MTAP: variants seen among roughly 807,000 people sequenced by gnomAD.
The protein encoded by MTAP is methylthioadenosine phosphorylase.
A neutral mutation model predicts 33.6 loss-of-function variants in MTAP; 33 were observed. The ratio of observed to expected loss-of-function variants is 0.98; its 90% CI spans 0.74 to 1.31. The LOEUF (loss-of-function observed/expected upper bound fraction) is 1.31, where lower values mean the gene tolerates loss of function less well. MTAP is among the 40% of genes most tolerant of loss of function. MTAP has a pLI of 0.00. For missense variants in MTAP, 367 were observed against 360.0 expected (o/e 1.02, Z -0.16); for synonymous variants, 148 against 125.7 (o/e 1.18, Z -1.19).
chr9:21,812,741 T>A (rs1353654764), intron 1 of MTAP, among the ~76,000 whole-genome samples: 1 of 152,228 alleles, frequency 6.6e-6, no homozygotes, highest in Non-Finnish European at 1.5e-5. Context: ...CTGAGCATGT[T>A]GTCTCATAAC....
At chr9:21,838,065 C>T in intron 5 of MTAP, 55 bp downstream of exon 5, 1 of 1,484,184 alleles carries the variant, frequency 6.7e-7, no homozygotes, top group Non-Finnish European at 9.4e-7. Context: ...CTTGGGGTGG[C>T]ATCTGGCATT....
Position 21,863,270 on chromosome 9 carries a change from G to A in MTAP, c.*1256G>A. ...GTAATTTTTGCTTTTTAATAAAGTG[G>A]AAGCTTGCTTTTTTAACTCTTTTTT... On this transcript the variant is annotated 3_prime_UTR_variant, in exon 8 of 8. Coordinates refer to ENST00000644715, the MANE Select transcript of MTAP (RefSeq NM_002451.4). The A allele has an allele frequency of 1.0e-6, 1 of 983,574 alleles. No individual in the cohort carries two copies. The allele number at this position is 983,574 out of a possible 1,614,324, so 60.9% of individuals were successfully genotyped here. A position where few individuals can be genotyped will look rare whatever the true frequency, so the allele number is the denominator to read the frequency against.
chr9:21,888,917 A>G (rs1408607757), intron 1 of MTAP, among the ~76,000 whole-genome samples: 1 of 152,162 alleles, frequency 6.6e-6, no homozygotes. Context: ...TATAAAGGAA[A>G]ACCTATCAGA....
Position 21,862,812 on chromosome 9 carries a change from T to G in MTAP, c.*798T>G, listed in dbSNP as rs996247544. On this transcript the variant is annotated 3_prime_UTR_variant, in exon 8 of 8. Coordinates refer to ENST00000644715, the MANE Select transcript of MTAP (RefSeq NM_002451.4). Reference sequence around the variant, plus strand: ...AAACTAGAAAGAAATATATATAACCTTGTTATTGTATTTGGGGGAGGGATA... The same window carrying G: ...AAACTAGAAAGAAATATATATAACCGTGTTATTGTATTTGGGGGAGGGATA... The G allele has an allele frequency of 1.9e-5, 7 of 375,670 alleles. No homozygotes were observed. Among genetic ancestry groups the G allele is most frequent in the Non-Finnish European group, 2.6e-5 (7 of 273,550 alleles). 23.3% of individuals were successfully genotyped at this position (375,670 alleles called of 1,614,324 possible).
chr9:21,881,250 T>TAACTCAAAATG (rs1377121679), intron 1 of MTAP, among the ~76,000 whole-genome samples: 9 of 151,836 alleles, frequency 5.9e-5, no homozygotes, highest in Admixed American at 5.9e-4. Flanking sequence ...ACACAAAAAT[T>TAACTCAAAATG]AACTCAAAAT....
chr9:21,854,759 T>C lies in MTAP; in HGVS notation c.579T>C (p.Val193=). The change falls in exon 6 of 8, where the codon GTT becomes GTC. Residue 193 remains valine (V), a synonymous_variant. Transcript: ENST00000644715. ...SFMFRTWGAD[V]INMTTVPEVV... ...TGTTCCGCACCTGGGGGGCGGATGT[T>C]ATCAACATGACCACAGTTCCAGAGG... 1.2e-6 allele frequency: 2 copies of C among 1,614,200 alleles called. No individual in the cohort carries two copies. Among genetic ancestry groups the C allele is most frequent in the Non-Finnish European group, 1.7e-6 (2 of 1,180,018 alleles).
At chr9:21,843,305 C>G (rs1045220753) in intron 5 of MTAP, among the ~76,000 whole-genome samples, 1 of 152,054 alleles carries the variant, frequency 6.6e-6, no homozygotes, top group Non-Finnish European at 1.5e-5. Flanking sequence ...GATGGTAACA[C>G]AATAATAGTG....
At chr9:21,853,304 G>T (rs922686519) in intron 5 of MTAP, among the ~76,000 whole-genome samples, 2 of 152,156 alleles carry the variant, frequency 1.3e-5, no homozygotes, top group South Asian at 4.1e-4. Context: ...GGGGGGAAAA[G>T]GGGGTGGGGT....
chr9:21,882,302 G>C (rs575495964), intron 1 of MTAP, among the ~76,000 whole-genome samples: 1 of 151,918 alleles, frequency 6.6e-6, no homozygotes, highest in Non-Finnish European at 1.5e-5. Flanking sequence ...TACCCCTGTT[G>C]CTAAACTGTG....
intron 1 of MTAP, among the ~76,000 whole-genome samples, chr9:21,914,240 A>AGAACTAGAAATATC (rs1032561491): frequency 2.0e-5 from 3 of 152,234 alleles, no homozygotes; most frequent in African/African-American, 7.2e-5. Flanking sequence ...TCAAGGATCT[A>AGAACTAGAAATATC]GAACTAGAAA....
downstream of MTAP, among the ~76,000 whole-genome samples, chr9:21,938,938 T>G (rs183113031): frequency 8.5e-5 from 13 of 152,300 alleles, no homozygotes; most frequent in Non-Finnish European, 1.3e-4. Context: ...GAAGAAAAAT[T>G]AATTACATGG....
At chr9:21,811,420 C>G (rs894587472) in intron 1 of MTAP, among the ~76,000 whole-genome samples, 3 of 152,064 alleles carry the variant, frequency 2.0e-5, no homozygotes, top group African/African-American at 7.3e-5. Flanking sequence ...GAAGTCAGAC[C>G]CTTGGATTGA....
At chr9:21,900,225 T>C (rs762119517) in intron 1 of MTAP, among the ~76,000 whole-genome samples, 1 of 152,052 alleles carries the variant, frequency 6.6e-6, no homozygotes, top group Non-Finnish European at 1.5e-5. Context: ...AAAGAAACTA[T>C]AAACAGATTA....
intron 4 of MTAP, among the ~76,000 whole-genome samples, chr9:21,836,111 G>C (rs1298412688): frequency 1.3e-5 from 2 of 152,108 alleles, no homozygotes; most frequent in Non-Finnish European, 2.9e-5. Flanking sequence ...GAGCTGCTAT[G>C]AGTTATCTGG....
intron 4 of MTAP, among the ~76,000 whole-genome samples, chr9:21,822,454 T>C (rs569750161): frequency 4.6e-5 from 7 of 152,364 alleles, no homozygotes; most frequent in African/African-American, 1.4e-4. Context: ...GTGAGTTTCT[T>C]AATCCTGAGT....
Position 21,848,709 on chromosome 9 carries a change from G to A in MTAP, c.451-5922G>A, listed in dbSNP as rs370517680. Among the ~76,000 whole-genome samples, 6 of 152,152 alleles carry A rather than the reference G, an allele frequency of 3.9e-5. No individual in the cohort carries two copies. In the East Asian group the frequency reaches 5.8e-4, roughly 15 times the overall value. ...AATGCCTTGCAAAACAGATATGTGA[G>A]GGCAGCACTGGGATCTTTGAAGAGC... On this transcript the variant is annotated intron_variant, in intron 5 of 7. Coordinates refer to ENST00000644715, the MANE Select transcript of MTAP (RefSeq NM_002451.4).
At chr9:21,925,300 G>T (rs1818851039) in intron 1 of MTAP, among the ~76,000 whole-genome samples, 1 of 152,178 alleles carries the variant, frequency 6.6e-6, no homozygotes, top group Non-Finnish European at 1.5e-5. Context: ...CATCACAAGG[G>T]CAACTGGTCC....
intron 1 of MTAP, among the ~76,000 whole-genome samples, chr9:21,905,718 T>C (rs1258627528): frequency 1.3e-5 from 2 of 152,134 alleles, no homozygotes; most frequent in African/African-American, 4.8e-5. Context: ...TTACTAGGAA[T>C]CAAGATTTGG....
chr9:21,824,992 C>T (rs969205621), intron 4 of MTAP, among the ~76,000 whole-genome samples: 2 of 152,084 alleles, frequency 1.3e-5, no homozygotes, highest in South Asian at 2.1e-4. Context: ...TTCCAGGTGC[C>T]GTCTGTCACC....
Sources: allele counts gnomAD v4.1 joint callset (sites outside exome capture counted in the v4.1 genomes callset), GRCh38; gene constraint gnomAD v4.1.1; transcripts MANE v1.5; gene names NCBI Gene and HGNC (gene_info 2026-07-23, HGNC 2026-07-21).